Variants in KIF21A observed in about 807,000 individuals in gnomAD.
The protein encoded by KIF21A is kinesin-like protein KIF21A.
Under a neutral mutation model 202.9 loss-of-function variants are expected in KIF21A, and 114 were observed. The ratio of observed to expected loss-of-function variants is 0.56; its 90% CI spans 0.48 to 0.66. The LOEUF (loss-of-function observed/expected upper bound fraction) is 0.66, where lower values mean the gene tolerates loss of function less well. Among genes scored for constraint, KIF21A ranks in the 30% least tolerant of loss-of-function variants. The pLI is 0.00. For synonymous variants in KIF21A, 667 were observed against 670.8 expected, an observed-to-expected ratio of 0.99 and a Z score of 0.09; for missense variants, 1,677 against 1,994.9, an observed-to-expected ratio of 0.84 and a Z score of 3.04.
intron 1 of KIF21A, among the ~76,000 whole-genome samples, chr12:39,432,677 C>G (rs984730388): frequency 2.0e-5 from 3 of 151,464 alleles, no homozygotes; most frequent in African/African-American, 7.3e-5. Flanking sequence ...GTGGTATGAT[C>G]TCAGCTCACT....
intron 1 of KIF21A, among the ~76,000 whole-genome samples, chr12:39,401,160 T>G (rs1027955022): frequency 3.9e-5 from 6 of 152,048 alleles, no homozygotes; most frequent in African/African-American, 1.4e-4. Context: ...ATAAAATAAG[T>G]ACCACAAAAG....
intron 1 of KIF21A, among the ~76,000 whole-genome samples, chr12:39,404,956 G>A (rs1276576493): frequency 6.6e-6 from 1 of 150,590 alleles, no homozygotes; most frequent in Non-Finnish European, 1.5e-5. Context: ...TCTGTCTATG[G>A]AAAGTAAATT....
chr12:39,378,122 T>C (rs1401542922), intron 1 of KIF21A, among the ~76,000 whole-genome samples: 1 of 152,160 alleles, frequency 6.6e-6, no homozygotes, highest in East Asian at 1.9e-4. Context: ...AAAATTTATT[T>C]CCCTCAAGTA....
rs1166876896 is a variant in KIF21A, at chr12:39,340,228, C to T, written c.2247G>A (p.Gln749=). ...TCTTCAATTGCTTTTCATACTGAGACTGATTTTTAAGCAACCTTGCATGTT... is the reference window on the plus strand; with the variant it reads ...TCTTCAATTGCTTTTCATACTGAGATTGATTTTTAAGCAACCTTGCATGTT... ...QKEHARLLKN[Q]SQYEKQLKKL... is the part of the protein sequence containing the mutation. The change falls in exon 16 of 38, where the codon CAG becomes CAA. Residue 749 remains glutamine (Q), a synonymous_variant. Coordinates refer to ENST00000361418, the MANE Select transcript of KIF21A (RefSeq NM_001173464.2). 1.2e-6 allele frequency: 2 copies of T among 1,612,994 alleles called. No homozygotes were observed. The highest frequency in any genetic ancestry group is 8.5e-7 in the Non-Finnish European group (1 of 1,179,630).
At chr12:39,323,654 A>G (rs1945534359) in intron 26 of KIF21A, among the ~76,000 whole-genome samples, 4 of 152,308 alleles carry the variant, frequency 2.6e-5, no homozygotes, top group Admixed American at 2.0e-4. Flanking sequence ...TGATGTCACT[A>G]AAGTACTAAC....
chr12:39,343,067 T>A (rs948877302), intron 12 of KIF21A, among the ~76,000 whole-genome samples: 1 of 152,184 alleles, frequency 6.6e-6, no homozygotes, highest in African/African-American at 2.4e-5. Context: ...AATCTATATA[T>A]GAACTATTTC....
At chr12:39,326,392 T>C (rs759049227) in intron 24 of KIF21A, 68 bp from the exon 25 acceptor site, 12 of 1,036,516 alleles carry the variant, frequency 1.2e-5, no homozygotes, top group Non-Finnish European at 1.7e-5. Flanking sequence ...CTGCAATCCA[T>C]AGGCTGTAAT....
intron 5 of KIF21A, 144 bp from the exon 6 acceptor site, chr12:39,366,661 T>C: frequency 1.5e-6 from 1 of 675,222 alleles, no homozygotes; most frequent in Non-Finnish European, 2.5e-6. Flanking sequence ...AAATGTCTGC[T>C]GGCAATTAGA....
rs1592781289 is a variant in KIF21A, at chr12:39,442,693, G to T, written c.44+234C>A. Reference sequence around the variant, plus strand: ...CCCAGGGACCCGGCGCCGCGCAGCCGCCAGCCACCTGCAAACACAGACGGC... The same window carrying T: ...CCCAGGGACCCGGCGCCGCGCAGCCTCCAGCCACCTGCAAACACAGACGGC... On this transcript the variant is annotated intron_variant, in intron 1 of 37. Coordinates refer to ENST00000361418, the MANE Select transcript of KIF21A (RefSeq NM_001173464.2). The surrounding 1 kb of genome is among the most constrained non-coding windows in gnomAD (Gnocchi z 5.0). Among the ~76,000 whole-genome samples the T allele has an allele frequency of 6.6e-6, 1 of 152,120 alleles. No individual in the cohort carries two copies. Among genetic ancestry groups the T allele is most frequent in the South Asian group, 2.1e-4 (1 of 4,832 alleles).
At chr12:39,350,678 T>G (rs1219558196) in intron 11 of KIF21A, among the ~76,000 whole-genome samples, 1 of 152,042 alleles carries the variant, frequency 6.6e-6, no homozygotes, top group Non-Finnish European at 1.5e-5. Flanking sequence ...TGAAAACATC[T>G]AAGACATTAA....
chr12:39,322,009 G>T (rs1484230205), intron 27 of KIF21A: 4 of 152,502 alleles, frequency 2.6e-5, no homozygotes, highest in African/African-American at 9.7e-5. Context: ...TTGTCCTCAA[G>T]ATAATAATTA....
intron 37 of KIF21A, among the ~76,000 whole-genome samples, chr12:39,298,482 A>G (rs1942635105): frequency 6.8e-6 from 1 of 147,702 alleles, no homozygotes; most frequent in Non-Finnish European, 1.5e-5. Flanking sequence ...GGTATAGTAG[A>G]GAGATACCAC....
At position 39,333,087 on chromosome 12, in the gene KIF21A, T is replaced by C; in HGVS notation, c.2508A>G (p.Gln836=). The C allele has an allele frequency of 1.2e-6, 2 of 1,614,028 alleles. No individual in the cohort carries two copies. The highest frequency in any genetic ancestry group is 1.7e-6 in the Non-Finnish European group (2 of 1,180,008). Residue 836 remains glutamine (Q), a synonymous_variant, in exon 19 of 38, where the codon CAA becomes CAG. Coordinates refer to ENST00000361418, the MANE Select transcript of KIF21A (RefSeq NM_001173464.2). ...KTEEVTALRR[Q]VRPMSDKVAG... ...CCACTTTATCTGACATGGGTCTTAC[T>C]TGCCGACGAAGAGCCGTAACCTGAA...
chr12:39,357,189 A>AAGAATGTTCCC lies in KIF21A; in HGVS notation c.1405+48_1405+58dup, dbSNP rs550025176. 455 of 1,436,208 alleles carry AAGAATGTTCCC rather than the reference A, an allele frequency of 3.2e-4. 2 individuals carry two copies. The South Asian group carries it at 5.0e-3, about 16-fold the overall frequency. The allele number at this position is 1,436,208 out of a possible 1,614,324, so 89.0% of individuals were successfully genotyped here. On this transcript the variant is annotated intron_variant, in intron 9 of 37. Coordinates refer to ENST00000361418, the MANE Select transcript of KIF21A (RefSeq NM_001173464.2). ...CTATGCTAGGTAATTAGTGAACACA[A>AAGAATGTTCCC]AGAATGTTCCCTGCCCTCCAGAAGT...
intron 13 of KIF21A, among the ~76,000 whole-genome samples, 161 bp downstream of exon 13, chr12:39,341,873 T>A (rs1204616974): frequency 6.6e-6 from 1 of 152,166 alleles, no homozygotes; most frequent in Non-Finnish European, 1.5e-5. Context: ...TTGTCAATAT[T>A]TTATAGCTTG....
At chr12:39,354,992 T>C (rs1948656025) in intron 10 of KIF21A, among the ~76,000 whole-genome samples, 2 of 152,284 alleles carry the variant, frequency 1.3e-5, no homozygotes, top group African/African-American at 4.8e-5. Flanking sequence ...GGTAATCCAA[T>C]TTGAATTCAA....
chr12:39,402,351 A>G (rs1279982975), intron 1 of KIF21A, among the ~76,000 whole-genome samples: 1 of 152,180 alleles, frequency 6.6e-6, no homozygotes, highest in African/African-American at 2.4e-5. Flanking sequence ...AAAGTTTGTT[A>G]GGTTTAGAAA....
intron 27 of KIF21A, chr12:39,322,175 A>G (rs1945341824): frequency 6.5e-6 from 1 of 153,432 alleles, no homozygotes; most frequent in Admixed American, 6.5e-5. Flanking sequence ...CTTCAAGGTA[A>G]AAAATTAGGA....
chr12:39,313,106 CA>C (rs1944191162), intron 31 of KIF21A, among the ~76,000 whole-genome samples: 2 of 151,728 alleles, frequency 1.3e-5, no homozygotes, highest in South Asian at 4.1e-4. Context: ...GAGATTTATT[CA>C]ATAAATTCAA....
Sources: allele counts gnomAD v4.1 joint callset (sites outside exome capture counted in the v4.1 genomes callset), GRCh38; gene constraint gnomAD v4.1.1; non-coding constraint Gnocchi (gnomAD v3.1); transcripts MANE v1.5; gene names NCBI Gene and HGNC (gene_info 2026-07-23, HGNC 2026-07-21).